The following VSTM2B variants were observed in gnomAD, a reference collection of about 807,000 sequenced individuals.
VSTM2B encodes V-set and transmembrane domain containing 2B, also known as V-set and transmembrane domain-containing protein 2B.
VSTM2B carries 24 observed loss-of-function variants against 24.0 expected under a neutral mutation model. The observed-to-expected ratio is 1.00, with a 90% CI of 0.72 to 1.40. The LOEUF (loss-of-function observed/expected upper bound fraction) is 1.40. Among genes scored for constraint, VSTM2B ranks in the 40% most tolerant of loss-of-function variants. The pLI is 0.00. For missense variants in VSTM2B, 399 were observed against 416.4 expected (o/e 0.96, Z 0.36); for synonymous variants, 226 against 194.4 (o/e 1.16, Z -1.35).
intron 3 of VSTM2B, 32 bp downstream of exon 3, chr19:29,528,494 GACC>G: frequency 6.4e-7 from 1 of 1,550,424 alleles, no homozygotes; most frequent in Non-Finnish European, 8.7e-7. Flanking sequence ...GGCCGCGGGA[GACC>G]CCTTCTGGCC....
In VSTM2B at chr19:29,563,977, T is replaced by C. The variant is rs757872446; in HGVS notation, c.*43T>C. ...AGCATCTCAGAGGCCGCACATGACC[T>C]GCCCGGGGCCCTCGGTGAGGACCAT... On this transcript the variant is annotated 3_prime_UTR_variant, in exon 5 of 5. Transcript: ENST00000335523. 29 of 1,513,138 alleles carry C rather than the reference T, an allele frequency of 1.9e-5. No homozygotes were observed. In the South Asian group the frequency reaches 3.4e-4, roughly 18 times the overall value. 93.7% of individuals were successfully genotyped at this position (1,513,138 alleles called of 1,614,324 possible). A position where few individuals can be genotyped will look rare whatever the true frequency, so the allele number is the denominator to read the frequency against.
chr19:29,560,567 A>G (rs1481771472), intron 4 of VSTM2B, among the ~76,000 whole-genome samples: 1 of 152,138 alleles, frequency 6.6e-6, no homozygotes, highest in African/African-American at 2.4e-5. Context: ...ACAGACATCC[A>G]GCAACAGAGA....
At chr19:29,531,596 C>A (rs1371047681) in intron 4 of VSTM2B, among the ~76,000 whole-genome samples, 2 of 152,198 alleles carry the variant, frequency 1.3e-5, no homozygotes, top group Non-Finnish European at 2.9e-5. Flanking sequence ...CTGTAGCAGC[C>A]GCCTCAGTGC....
chr19:29,552,632 G>C (rs1317965401), intron 4 of VSTM2B, among the ~76,000 whole-genome samples: 1 of 152,246 alleles, frequency 6.6e-6, no homozygotes, highest in Non-Finnish European at 1.5e-5. Flanking sequence ...ACGCCACTCA[G>C]CTAGAGACTG....
chr19:29,528,512 C>T (rs1969642611), intron 3 of VSTM2B, 50 bp downstream of exon 3: 3 of 1,548,996 alleles, frequency 1.9e-6, no homozygotes, highest in East Asian at 4.9e-5. Context: ...CTGGCCGCCT[C>T]GGGTCCCGCA....
rs117050829 is a variant in VSTM2B, at chr19:29,552,345, T to C, written c.770-11501T>C. ...TCCAGGGATGTCTCAAAATAAGTGG[T>C]TGAGGAATCCTGCATAGGCAACTGG... is the stretch of plus-strand genomic sequence containing the variant. On this transcript the variant is annotated intron_variant, in intron 4 of 4. Transcript: ENST00000335523. 2.6e-3 allele frequency among the ~76,000 whole-genome samples: 397 copies of C among 152,344 alleles called. 2 individuals carry two copies. Among genetic ancestry groups the C allele is most frequent in the Non-Finnish European group, 4.5e-3 (303 of 68,026 alleles).
Position 29,528,478 on chromosome 19 carries a change from A to T in VSTM2B, c.297+16A>T, listed in dbSNP as rs1969641747. 1.1e-5 allele frequency: 17 copies of T among 1,550,734 alleles called. No homozygotes were observed. The highest frequency in any genetic ancestry group is 1.5e-5 in the Non-Finnish European group (17 of 1,146,936). ...TAAAATCAGCGTAAGTGTGGAGCCC[A>T]GCGCGGGCCGCGGGAGACCCCTTCT... On this transcript the variant is annotated intron_variant, in intron 3 of 4. Coordinates refer to ENST00000335523, the MANE Select transcript of VSTM2B (RefSeq NM_001146339.2).
chr19:29,530,172 G>T lies in VSTM2B; in HGVS notation c.651G>T (p.Glu217Asp). The change falls in exon 4 of 5, where the codon GAG becomes GAT. Residue 217 changes from glutamate (E) to aspartate (D), a missense_variant. Glu to Asp is a conservative substitution (Grantham distance 45). Transcript: ENST00000335523. The stretch of plus-strand genomic sequence containing the variant: ...CCGCCATCGATCCCGCAGTCCCCGA[G>T]GCCGCGGCAGCCTCGGCGGCCCACA... The part of the protein sequence containing the change: ...PPAAIDPAVP[E>D]AAAASAAHTP... 1 of 1,488,556 alleles carries T rather than the reference G, an allele frequency of 6.7e-7. No individual in the cohort carries two copies. Among genetic ancestry groups the T allele is most frequent in the South Asian group, 1.3e-5 (1 of 79,300 alleles). 92.2% of individuals were successfully genotyped at this position (1,488,556 alleles called of 1,614,324 possible). A position where few individuals can be genotyped will look rare whatever the true frequency, so the allele number is the denominator to read the frequency against.
At chr19:29,533,130 T>C (rs901946746) in intron 4 of VSTM2B, among the ~76,000 whole-genome samples, 2 of 152,272 alleles carry the variant, frequency 1.3e-5, no homozygotes, top group South Asian at 2.1e-4. Flanking sequence ...AGTGCCCTTC[T>C]TCCCAGAAGA....
At chr19:29,559,793 T>G (rs143319507) in intron 4 of VSTM2B, among the ~76,000 whole-genome samples, 1 of 152,172 alleles carries the variant, frequency 6.6e-6, no homozygotes, top group South Asian at 2.1e-4. Flanking sequence ...TTGACTCTGT[T>G]TGAGGCGCTG....
chr19:29,546,670 G>GC (rs201235419), intron 4 of VSTM2B, among the ~76,000 whole-genome samples: 7,673 of 150,064 alleles, frequency 0.051, 258 homozygotes, highest in Middle Eastern at 0.09. Context: ...CCGCTGGGGA[G>GC]CCCCCACCCC....
chr19:29,547,355 C>T (rs1262405584), intron 4 of VSTM2B, among the ~76,000 whole-genome samples: 2 of 152,214 alleles, frequency 1.3e-5, no homozygotes, highest in East Asian at 3.9e-4. Flanking sequence ...GTAAAAGTAA[C>T]TCCTGCCATT....
At chr19:29,556,064 C>T (rs576773615) in intron 4 of VSTM2B, among the ~76,000 whole-genome samples, 6 of 150,360 alleles carry the variant, frequency 4.0e-5, no homozygotes, top group African/African-American at 1.5e-4. Flanking sequence ...TTTGTGAGGC[C>T]AGCATCATCC....
chr19:29,551,776 C>G (rs896514053), intron 4 of VSTM2B, among the ~76,000 whole-genome samples: 2 of 152,174 alleles, frequency 1.3e-5, no homozygotes, highest in African/African-American at 4.8e-5. Context: ...TCCTGGTACT[C>G]CTTAGGACAG....
chr19:29,563,378 G>A (rs978680970), intron 4 of VSTM2B, among the ~76,000 whole-genome samples: 1 of 151,940 alleles, frequency 6.6e-6, no homozygotes, highest in African/African-American at 2.4e-5. Context: ...TGAGCAGCTG[G>A]GAATACAGGT....
chr19:29,537,202 C>T (rs937321060), intron 4 of VSTM2B, among the ~76,000 whole-genome samples: 1 of 152,158 alleles, frequency 6.6e-6, no homozygotes, highest in Non-Finnish European at 1.5e-5. Context: ...AAGAATGACA[C>T]ACCTCCTTCC....
intron 4 of VSTM2B, among the ~76,000 whole-genome samples, chr19:29,541,941 G>T (rs1366342352): frequency 6.6e-6 from 1 of 151,926 alleles, no homozygotes; most frequent in East Asian, 1.9e-4. Context: ...GAGAATGAAT[G>T]GATGGATTCA....
chr19:29,550,435 A>G (rs897072537), intron 4 of VSTM2B, among the ~76,000 whole-genome samples: 1 of 152,166 alleles, frequency 6.6e-6, no homozygotes, highest in Non-Finnish European at 1.5e-5. Context: ...CTGTCAATCA[A>G]TCAGTCAATC....
At chr19:29,550,299 G>C (rs1009280456) in intron 4 of VSTM2B, among the ~76,000 whole-genome samples, 3 of 152,210 alleles carry the variant, frequency 2.0e-5, no homozygotes, top group Non-Finnish European at 4.4e-5. Flanking sequence ...TCTGGGCATG[G>C]TGGCATGTGC....
Sources: allele counts gnomAD v4.1 joint callset (sites outside exome capture counted in the v4.1 genomes callset), GRCh38; gene constraint gnomAD v4.1.1; transcripts MANE v1.5; gene names NCBI Gene and HGNC (gene_info 2026-07-23, HGNC 2026-07-21).